The following FSHR variants were observed in gnomAD, a reference collection of about 807,000 sequenced individuals.
FSHR encodes follicle-stimulating hormone receptor.
A neutral mutation model predicts 52.1 loss-of-function variants in FSHR; 46 were observed. That is an observed-to-expected ratio of 0.88 (90% CI 0.70 to 1.13). FSHR has a LOEUF of 1.13. Among genes scored for constraint, FSHR ranks in the 50% most tolerant of loss-of-function variants. The pLI, the probability that FSHR is intolerant of heterozygous loss-of-function variation, is 0.00. For synonymous variants in FSHR, 399 were observed against 309.6 expected (o/e 1.29, Z -3.03); for missense variants, 964 against 834.6 (o/e 1.16, Z -1.91).
chr2:49,105,369 C>G (rs959529404), intron 1 of FSHR, among the ~76,000 whole-genome samples: 1 of 152,050 alleles, frequency 6.6e-6, no homozygotes, highest in Non-Finnish European at 1.5e-5. Flanking sequence ...TCACCAGTTT[C>G]TCCTGAGCCT....
chr2:49,104,433 T>C (rs924425848), intron 1 of FSHR, among the ~76,000 whole-genome samples: 1 of 152,158 alleles, frequency 6.6e-6, no homozygotes, highest in African/African-American at 2.4e-5. Flanking sequence ...CCATGGAAAG[T>C]TGTTCGGAGA....
At chr2:49,117,379 G>C (rs1671641166) in intron 1 of FSHR, among the ~76,000 whole-genome samples, 1 of 152,198 alleles carries the variant, frequency 6.6e-6, no homozygotes, top group Admixed American at 6.5e-5. Flanking sequence ...GATAGAGCTT[G>C]CTTTGGCTCT....
intron 4 of FSHR, among the ~76,000 whole-genome samples, chr2:49,009,003 T>G (rs1348196985): frequency 6.6e-6 from 1 of 151,230 alleles, no homozygotes; most frequent in Non-Finnish European, 1.5e-5. Context: ...TGGTAGTTTC[T>G]TTTGCTGTGC....
At chr2:49,048,796 G>C (rs1286791178) in intron 2 of FSHR, among the ~76,000 whole-genome samples, 1 of 152,170 alleles carries the variant, frequency 6.6e-6, no homozygotes, top group Non-Finnish European at 1.5e-5. Flanking sequence ...TTTGATTGCT[G>C]TGTAGGCTGG....
chr2:49,077,138 G>T (rs563104552), intron 1 of FSHR, among the ~76,000 whole-genome samples: 1 of 152,330 alleles, frequency 6.6e-6, no homozygotes, highest in African/African-American at 2.4e-5. Context: ...TGCCCTAGCA[G>T]AGGCTCTCCA....
chr2:49,074,025 T>C (rs1396050595), intron 1 of FSHR, among the ~76,000 whole-genome samples: 1 of 152,014 alleles, frequency 6.6e-6, no homozygotes, highest in Non-Finnish European at 1.5e-5. Context: ...TCTCATTCTA[T>C]ATAGAAATGA....
intron 1 of FSHR, among the ~76,000 whole-genome samples, chr2:49,140,708 A>G (rs1395032705): frequency 6.6e-6 from 1 of 152,134 alleles, no homozygotes; most frequent in Non-Finnish European, 1.5e-5. Context: ...CATCTCAAAA[A>G]AAGAGAGAAA....
intron 1 of FSHR, among the ~76,000 whole-genome samples, chr2:49,116,942 T>G (rs1056231973): frequency 6.6e-6 from 1 of 152,200 alleles, no homozygotes; most frequent in Non-Finnish European, 1.5e-5. Flanking sequence ...TTGATATGAA[T>G]GGAAACATTT....
At chr2:49,117,219 A>G (rs1313000686) in intron 1 of FSHR, among the ~76,000 whole-genome samples, 2 of 152,158 alleles carry the variant, frequency 1.3e-5, no homozygotes, top group East Asian at 1.9e-4. Context: ...TGTGTTTAAT[A>G]TTCACCCTTC....
intron 1 of FSHR, among the ~76,000 whole-genome samples, chr2:49,077,561 G>C (rs545777377): frequency 9.9e-5 from 15 of 152,208 alleles, no homozygotes; most frequent in African/African-American, 3.6e-4. Flanking sequence ...TGTTACTTAC[G>C]CAAATTTACG....
intron 1 of FSHR, among the ~76,000 whole-genome samples, chr2:49,098,760 TA>T (rs35014852): frequency 0.14 from 20,861 of 146,710 alleles, 1,532 homozygotes; most frequent in East Asian, 0.24. Flanking sequence ...TATTATATAA[TA>T]ATATGTATTT....
chr2:49,067,510 C>A (rs1278673761), intron 2 of FSHR, among the ~76,000 whole-genome samples: 2 of 152,086 alleles, frequency 1.3e-5, no homozygotes, highest in Admixed American at 6.6e-5. Context: ...GGCTGTCTCA[C>A]TGCAGAGAAG....
intron 2 of FSHR, among the ~76,000 whole-genome samples, chr2:49,059,989 G>A (rs998156059): frequency 2.0e-5 from 3 of 151,716 alleles, no homozygotes; most frequent in Non-Finnish European, 2.9e-5. Flanking sequence ...GAATATATAA[G>A]AAACTCAAAC....
chr2:49,061,672 A>G (rs974433062), intron 2 of FSHR, among the ~76,000 whole-genome samples: 3 of 142,436 alleles, frequency 2.1e-5, no homozygotes, highest in Non-Finnish European at 4.6e-5. Context: ...TATATTTATA[A>G]CTATATATAA....
chr2:49,115,768 G>A lies in FSHR; in HGVS notation c.152+38498C>T, dbSNP rs528395976. ...GTCTTCATTCATTTTGCTGACTGAT[G>A]AAGGTCCAGTTATAGTGCAAAGTGC... is the stretch of plus-strand genomic sequence containing the variant. On this transcript the variant is annotated intron_variant, in intron 1 of 9. Coordinates refer to ENST00000406846, the MANE Select transcript of FSHR (RefSeq NM_000145.4). 2.6e-5 allele frequency among the ~76,000 whole-genome samples: 4 copies of A among 152,262 alleles called. No homozygotes were observed. In the South Asian group the frequency reaches 6.2e-4, roughly 24 times the overall value.
At chr2:49,036,888 A>C (rs1668290629) in intron 2 of FSHR, among the ~76,000 whole-genome samples, 1 of 152,174 alleles carries the variant, frequency 6.6e-6, no homozygotes, top group African/African-American at 2.4e-5. Context: ...AACATTTAAA[A>C]ATTTTTAGAA....
intron 1 of FSHR, among the ~76,000 whole-genome samples, chr2:49,153,434 C>A (rs951456252): frequency 6.6e-6 from 1 of 151,734 alleles, no homozygotes; most frequent in Non-Finnish European, 1.5e-5. Context: ...GAAAACAAAA[C>A]AAAACAAAAC....
Position 48,962,639 on chromosome 2 carries a change from A to T in FSHR, c.*94T>A, listed in dbSNP as rs1674276377. 7.9e-7 allele frequency: 1 copy of T among 1,262,674 alleles called. No homozygotes were observed. The highest frequency in any genetic ancestry group is 1.7e-5 in the Admixed American group (1 of 57,922). The allele number at this position is 1,262,674 out of a possible 1,614,324, so 78.2% of individuals were successfully genotyped here. ...ATGCCAGGAATATTAAATTAGATGA[A>T]ATGTGTAGAAGCACTGTCAGCTCTT... On this transcript the variant is annotated 3_prime_UTR_variant, in exon 10 of 10. Coordinates refer to ENST00000406846, the MANE Select transcript of FSHR (RefSeq NM_000145.4).
intron 8 of FSHR, among the ~76,000 whole-genome samples, chr2:48,976,676 T>C (rs1675005410): frequency 6.6e-6 from 1 of 152,186 alleles, no homozygotes; most frequent in Non-Finnish European, 1.5e-5. Flanking sequence ...TATTGGTCTA[T>C]TCAGGGATTC....
Sources: allele counts gnomAD v4.1 joint callset (sites outside exome capture counted in the v4.1 genomes callset), GRCh38; gene constraint gnomAD v4.1.1; transcripts MANE v1.5; gene names NCBI Gene and HGNC (gene_info 2026-07-23, HGNC 2026-07-21).